Variants in IFT52 observed in about 807,000 individuals in gnomAD.
IFT52 encodes intraflagellar transport protein 52 homolog.
IFT52 carries 44 observed loss-of-function variants against 54.4 expected under a neutral mutation model. The observed-to-expected ratio is 0.81, with a 90% CI of 0.63 to 1.04. The LOEUF (loss-of-function observed/expected upper bound fraction) is 1.04. Ranked by LOEUF, IFT52 falls within the 50% of genes least tolerant of loss-of-function variation. The pLI is 0.00. For missense variants in IFT52, 452 were observed against 523.6 expected (o/e 0.86, Z 1.33); for synonymous variants, 181 against 185.3 (o/e 0.98, Z 0.19).
At chr20:43,629,001 A>G (rs1984962173) in intron 10 of IFT52, among the ~76,000 whole-genome samples, 1 of 152,192 alleles carries the variant, frequency 6.6e-6, no homozygotes, top group African/African-American at 2.4e-5. Flanking sequence ...GGATCTAACT[A>G]CAAACCAGTA....
intron 6 of IFT52, among the ~76,000 whole-genome samples, chr20:43,606,329 A>G (rs1312035230): frequency 1.4e-5 from 2 of 141,220 alleles, no homozygotes; most frequent in Admixed American, 1.5e-4. Context: ...GCTGGAGTGC[A>G]GTGGCATGAT....
At chr20:43,641,396 G>A (rs761920319) in intron 12 of IFT52, among the ~76,000 whole-genome samples, 4 of 151,470 alleles carry the variant, frequency 2.6e-5, no homozygotes, top group East Asian at 2.0e-4. Context: ...GCACCACCAC[G>A]CCCGGCTAAT....
chr20:43,619,910 CTTTTTTTTT>C (rs11482384), intron 8 of IFT52, among the ~76,000 whole-genome samples: 2 of 82,776 alleles, frequency 2.4e-5, no homozygotes, highest in East Asian at 4.1e-4. Context: ...AGATATTCTA[CTTTTTTTTT>C]TTTTTTTTTT....
At chr20:43,620,774 TC>T in intron 8 of IFT52, 82 bp from the exon 9 acceptor site, 1 of 973,056 alleles carries the variant, frequency 1.0e-6, no homozygotes, top group Non-Finnish European at 1.6e-6. Flanking sequence ...TTATCATTCT[TC>T]TTGATTTAAT....
At chr20:43,619,379 G>C (rs1485439773) in intron 8 of IFT52, among the ~76,000 whole-genome samples, 1 of 152,104 alleles carries the variant, frequency 6.6e-6, no homozygotes, top group Admixed American at 6.6e-5. Context: ...GGGAGCCCTT[G>C]GGTTTTCAGC....
intron 7 of IFT52, among the ~76,000 whole-genome samples, chr20:43,614,749 T>C (rs1983728257): frequency 6.6e-6 from 1 of 151,670 alleles, no homozygotes; most frequent in South Asian, 2.1e-4. Flanking sequence ...AGAGACCCCA[T>C]AGAAATGTGG....
In IFT52 at chr20:43,623,897, G is replaced by C. The variant is rs149821266; in HGVS notation, c.775G>C (p.Asp259His). 357 of 1,613,748 alleles carry C rather than the reference G, an allele frequency of 2.2e-4. 1 individual carries two copies. The highest frequency in any genetic ancestry group is 1.5e-3 in the Admixed American group (89 of 59,930). Residue 259 changes from aspartate to histidine, a missense_variant, in exon 10 of 14, where the codon GAC (aspartate) becomes CAC (histidine). Coordinates refer to ENST00000373030, the MANE Select transcript of IFT52 (RefSeq NM_016004.5). ...ACCCTCTTGTGGCTTTCAGATTTCT[G>C]ACTACATGATGCTGCCCTACACAGC... Reference protein sequence around the residue: ...QIDAEDPEISDYMMLPYTATL... With the variant: ...QIDAEDPEISHYMMLPYTATL...
intron 6 of IFT52, among the ~76,000 whole-genome samples, chr20:43,610,770 C>A (rs1301469978): frequency 1.3e-5 from 2 of 151,848 alleles, no homozygotes; most frequent in African/African-American, 4.8e-5. Context: ...AGGAATCAAT[C>A]TAATTATTTC....
rs200912523 is a variant in IFT52 at position 43,622,765 on chromosome 20, A to ATATTTTTATGT, written c.769-1126_769-1125insTATTTTTATGT. 6.1e-3 allele frequency among the ~76,000 whole-genome samples: 699 copies of ATATTTTTATGT among 115,122 alleles called. 80 individuals carry two copies. The highest frequency in any genetic ancestry group is 0.015 in the African/African-American group (416 of 27,090). 75.5% of individuals were successfully genotyped at this position (115,122 alleles called of 152,430 possible). The stretch of plus-strand genomic sequence containing the variant: ...TTTTTATGTAAATATAAATATATAC[A>ATATTTTTATGT]AATTGTGTGTAAATATAAATATATA... On this transcript the variant is annotated intron_variant, in intron 9 of 13. Coordinates refer to ENST00000373030, the MANE Select transcript of IFT52 (RefSeq NM_016004.5).
chr20:43,626,466 G>A (rs143848340), intron 10 of IFT52, among the ~76,000 whole-genome samples: 1,703 of 151,860 alleles, frequency 0.011, 21 homozygotes, highest in African/African-American at 0.03. Context: ...GGCTGGTCTC[G>A]AACTCCTAAC....
rs754918880 is a variant in IFT52 at position 43,636,001 on chromosome 20, C to A, written c.999C>A (p.Thr333=). The change falls in exon 11 of 14, where the codon ACC becomes ACA. Residue 333 remains threonine (T), a synonymous_variant. Transcript: ENST00000373030. ...IQPQFETPLP[T]LQPAVFPPSF... is the part of the protein sequence containing the mutation. ...CTCAGTTTGAGACGCCGCTGCCAAC[C>A]CTTCAGCCTGCGGTGAGTAGGTGTG... The A allele has an allele frequency of 3.7e-6, 6 of 1,614,054 alleles. No individual in the cohort carries two copies. The highest frequency in any genetic ancestry group is 1.6e-4 in the Middle Eastern group (1 of 6,074).
chr20:43,601,911 T>C (rs1013241224), intron 3 of IFT52, among the ~76,000 whole-genome samples: 2 of 152,124 alleles, frequency 1.3e-5, no homozygotes, highest in Non-Finnish European at 2.9e-5. Flanking sequence ...CAAAAAATGT[T>C]TACTAAGGAT....
At chr20:43,619,515 C>T (rs1388318035) in intron 8 of IFT52, among the ~76,000 whole-genome samples, 4 of 152,004 alleles carry the variant, frequency 2.6e-5, no homozygotes, top group African/African-American at 7.2e-5. Flanking sequence ...AGGAGGCAGC[C>T]TAGAGCCAAT....
intron 9 of IFT52, among the ~76,000 whole-genome samples, chr20:43,622,818 A>G (rs1413892695): frequency 6.7e-6 from 1 of 149,056 alleles, no homozygotes; most frequent in African/African-American, 2.4e-5. Context: ...ATATAAATAT[A>G]TACATATTTT....
At chr20:43,629,050 G>A (rs1205075949) in intron 10 of IFT52, among the ~76,000 whole-genome samples, 1 of 152,098 alleles carries the variant, frequency 6.6e-6, no homozygotes, top group African/African-American at 2.4e-5. Context: ...TAGCTGTGTA[G>A]CTGCCGGCAG....
intron 10 of IFT52, among the ~76,000 whole-genome samples, chr20:43,634,633 A>G (rs1204932316): frequency 1.3e-5 from 2 of 152,054 alleles, no homozygotes; most frequent in Non-Finnish European, 1.5e-5. Flanking sequence ...ATATTATTTT[A>G]TGAGGTGTTT....
chr20:43,642,382 T>C (rs1985973858), intron 12 of IFT52, 97 bp from the exon 13 acceptor site: 1 of 1,115,338 alleles, frequency 9.0e-7, no homozygotes, highest in Admixed American at 2.2e-5. Context: ...TTAGGAAATG[T>C]GGAAACATGA....
chr20:43,606,693 G>A (rs1199584500), intron 6 of IFT52, among the ~76,000 whole-genome samples: 7 of 152,092 alleles, frequency 4.6e-5, no homozygotes, highest in Admixed American at 1.3e-4. Context: ...ATAAACAAGT[G>A]AACAAAGGTC....
chr20:43,646,445 C>T (rs1302397506), intron 13 of IFT52, among the ~76,000 whole-genome samples: 4 of 152,110 alleles, frequency 2.6e-5, no homozygotes, highest in Non-Finnish European at 5.9e-5. Context: ...TAGCAGTGAA[C>T]AAGATGATTG....
Sources: allele counts gnomAD v4.1 joint callset (sites outside exome capture counted in the v4.1 genomes callset), GRCh38; gene constraint gnomAD v4.1.1; transcripts MANE v1.5; gene names NCBI Gene and HGNC (gene_info 2026-07-23, HGNC 2026-07-21).